KLF13: variants seen among roughly 807,000 people sequenced by gnomAD.
KLF13 encodes the protein KLF transcription factor 13.
KLF13 carries 8 observed loss-of-function variants against 16.7 expected under a neutral mutation model. That is an observed-to-expected ratio of 0.48 (90% CI 0.28 to 0.87). The LOEUF (loss-of-function observed/expected upper bound fraction) is 0.87, where lower values mean the gene tolerates loss of function less well. Among genes scored for constraint, KLF13 ranks in the 40% least tolerant of loss-of-function variants. The pLI, the probability that KLF13 is intolerant of heterozygous loss-of-function variation, is 0.10. For missense variants in KLF13, 447 were observed against 452.2 expected (o/e 0.99, Z 0.10); for synonymous variants, 245 against 208.4 (o/e 1.18, Z -1.51).
chr15:31,392,016 G>T (rs1489086219), upstream of KLF13, among the ~76,000 whole-genome samples: 3 of 151,886 alleles, frequency 2.0e-5, no homozygotes, highest in South Asian at 4.1e-4. Flanking sequence ...AGCCCGGCCG[G>T]GCCATTCACT....
chr15:31,400,114 G>A (rs2040012892), intron 2 of KLF13, among the ~76,000 whole-genome samples: 1 of 152,192 alleles, frequency 6.6e-6, no homozygotes, highest in Non-Finnish European at 1.5e-5. Flanking sequence ...TTGACAGCCT[G>A]CCAGGAGACG....
At chr15:31,341,335 T>C (rs1400832556) in intron 1 of KLF13, among the ~76,000 whole-genome samples, 8 of 152,200 alleles carry the variant, frequency 5.3e-5, no homozygotes, top group South Asian at 2.1e-4. Context: ...GGGGTGTGTG[T>C]GCGTGTGTGT....
At chr15:31,333,618 A>G (rs888374624) in intron 1 of KLF13, among the ~76,000 whole-genome samples, 27 of 151,474 alleles carry the variant, frequency 1.8e-4, no homozygotes, top group Admixed American at 1.5e-3. Context: ...TCCCTTTTCC[A>G]TCTCGCCTCT....
Position 31,364,740 on chromosome 15 carries a change from T to A in KLF13, c.578-7270T>A, listed in dbSNP as rs115079284. 6.6e-3 allele frequency among the ~76,000 whole-genome samples: 998 copies of A among 152,316 alleles called. 18 individuals are homozygous for A. The highest frequency in any genetic ancestry group is 0.023 in the African/African-American group (968 of 41,570). ...CAGCCAGCTGAATGACAGCTCACTC[T>A]CTCCTCCTGGGCCTCACTTCCCTTA... is the stretch of plus-strand genomic sequence containing the variant. On this transcript the variant is annotated intron_variant, in intron 1 of 1. Coordinates refer to ENST00000307145, the MANE Select transcript of KLF13 (RefSeq NM_015995.4).
chr15:31,392,713 T>C (rs1002844460), upstream of KLF13: 2 of 152,234 alleles, frequency 1.3e-5, no homozygotes, highest in Non-Finnish European at 2.9e-5. Context: ...TCGCGGTATT[T>C]TAACAATGGG....
intron 1 of KLF13, among the ~76,000 whole-genome samples, chr15:31,335,738 G>A (rs1377647683): frequency 6.6e-6 from 1 of 152,200 alleles, no homozygotes; most frequent in African/African-American, 2.4e-5. Context: ...ACTGAAGCTT[G>A]ATGTCTCAGA....
At position 31,418,841 on chromosome 15, in the gene KLF13, G is replaced by A. The variant is rs561101937; in HGVS notation, n.118-16529G>A. 1.2e-3 allele frequency among the ~76,000 whole-genome samples: 184 copies of A among 152,282 alleles called. 1 individual carries two copies. The highest frequency in any genetic ancestry group is 3.4e-3 in the Middle Eastern group (1 of 294). On this transcript the variant is annotated intron_variant and non_coding_transcript_variant, in intron 1 of 1. Transcript: ENST00000558225. Reference sequence around the variant, plus strand: ...AAAAAATATTTAGGTTTGGTGTGGTGGCTCACATCTGTGATCCTAGCACTT... The same window carrying A: ...AAAAAATATTTAGGTTTGGTGTGGTAGCTCACATCTGTGATCCTAGCACTT...
At chr15:31,344,716 T>C (rs531458039) in intron 1 of KLF13, among the ~76,000 whole-genome samples, 34 of 151,766 alleles carry the variant, frequency 2.2e-4, no homozygotes, top group African/African-American at 7.8e-4. Context: ...CAGATTTTTA[T>C]TCTAAACCTA....
intron 1 of KLF13, among the ~76,000 whole-genome samples, chr15:31,428,739 C>T (rs1595517149): frequency 1.6e-5 from 2 of 128,588 alleles, no homozygotes; most frequent in South Asian, 5.3e-4. Context: ...ACCCAGGAGG[C>T]TTGCAGTGAG....
rs372094043 is a variant in KLF13 at position 31,334,668 on chromosome 15, T to G, written c.577+6879T>G. Among the ~76,000 whole-genome samples, 12 of 152,322 alleles carry G rather than the reference T, an allele frequency of 7.9e-5. No individual in the cohort carries two copies. In the East Asian group the frequency reaches 1.2e-3, roughly 15 times the overall value. On this transcript the variant is annotated intron_variant, in intron 1 of 1. Coordinates refer to ENST00000307145, the MANE Select transcript of KLF13 (RefSeq NM_015995.4). ...GTTTCGAACTCCTGACCTCAGGTGATCTGCCCACCTCGGCCTCCCAAAGTG... is the reference window on the plus strand; with the variant it reads ...GTTTCGAACTCCTGACCTCAGGTGAGCTGCCCACCTCGGCCTCCCAAAGTG...
chr15:31,378,323 A>T (rs2039681898), downstream of KLF13, among the ~76,000 whole-genome samples: 4 of 152,090 alleles, frequency 2.6e-5, no homozygotes, highest in South Asian at 8.3e-4. Context: ...AGAGTCTAGA[A>T]AACTCCCCTG....
At chr15:31,384,499 A>G (rs999632294) in intron 1 of KLF13, among the ~76,000 whole-genome samples, 2 of 152,218 alleles carry the variant, frequency 1.3e-5, no homozygotes, top group Admixed American at 6.5e-5. Context: ...AGGACAACAG[A>G]TGACTTTTAT....
Position 31,423,150 on chromosome 15 carries a change from T to TAC in KLF13, n.118-12219_118-12218insCA, listed in dbSNP as rs1392167216. ...ATATATACGTATACGTATACGTATA[T>TAC]ATACGTATATATATGTATATATATA... On this transcript the variant is annotated intron_variant and non_coding_transcript_variant, in intron 1 of 1. Coordinates refer to the KLF13 transcript ENST00000558225. 2.7e-5 allele frequency among the ~76,000 whole-genome samples: 3 copies of TAC among 111,548 alleles called. 1 individual carries two copies. Among genetic ancestry groups the TAC allele is most frequent in the African/African-American group, 1.3e-4 (3 of 22,278 alleles). 73.2% of individuals were successfully genotyped at this position (111,548 alleles called of 152,430 possible).
At chr15:31,333,554 CCTT>C (rs943001575) in intron 1 of KLF13, among the ~76,000 whole-genome samples, 1 of 152,144 alleles carries the variant, frequency 6.6e-6, no homozygotes, top group African/African-American at 2.4e-5. Context: ...CTCCTTTCCT[CCTT>C]CTCTTTTTCT....
chr15:31,430,742 A>G (rs780606774), intron 1 of KLF13, among the ~76,000 whole-genome samples: 31 of 152,220 alleles, frequency 2.0e-4, no homozygotes, highest in Non-Finnish European at 4.3e-4. Flanking sequence ...AGATATCTAA[A>G]TGGCCAATAA....
At chr15:31,429,703 ATTT>A (rs2040447426) in intron 1 of KLF13, among the ~76,000 whole-genome samples, 1 of 22,084 alleles carries the variant, frequency 4.5e-5, no homozygotes, top group Admixed American at 4.2e-4. Context: ...TCTTTTATTT[ATTT>A]ATTTATTTAT....
At chr15:31,346,088 C>T (rs2039111404) in intron 1 of KLF13, among the ~76,000 whole-genome samples, 1 of 152,070 alleles carries the variant, frequency 6.6e-6, no homozygotes, top group Non-Finnish European at 1.5e-5. Context: ...ATGCCCACGG[C>T]CCAGGCATAT....
At chr15:31,406,284 C>T (rs764612658), downstream of KLF13, among the ~76,000 whole-genome samples, 4 of 152,094 alleles carry the variant, frequency 2.6e-5, no homozygotes, top group East Asian at 1.9e-4. Context: ...TGAGACCAGC[C>T]GGGCCAACAT....
chr15:31,393,856 G>A (rs2140985589), intron 2 of KLF13, among the ~76,000 whole-genome samples: 1 of 152,288 alleles, frequency 6.6e-6, no homozygotes, highest in Admixed American at 6.5e-5. Context: ...ATGCTGCCTG[G>A]CTGGAGGGCA....
Sources: allele counts gnomAD v4.1 joint callset (sites outside exome capture counted in the v4.1 genomes callset), GRCh38; gene constraint gnomAD v4.1.1; transcripts MANE v1.5; gene names NCBI Gene and HGNC (gene_info 2026-07-23, HGNC 2026-07-21).